Variants in DACT1 observed in about 807,000 individuals in gnomAD.
DACT1 encodes dapper homolog 1.
A neutral mutation model predicts 35.3 loss-of-function variants in DACT1; 19 were observed. That is an observed-to-expected ratio of 0.54 (90% CI 0.38 to 0.79). DACT1 has a LOEUF of 0.79. Among genes scored for constraint, DACT1 ranks in the 30% least tolerant of loss-of-function variants. DACT1 has a pLI of 0.00. For missense variants in DACT1, 1,143 were observed against 1,057.5 expected (o/e 1.08, Z -1.12); for synonymous variants, 545 against 466.7 (o/e 1.17, Z -2.16).
In DACT1 at chr14:58,638,363, GGCTGGCGGA is replaced by G; in HGVS notation, c.167_175del (p.Ala56_Leu58del). ...GAGCGGCAGGAGGCCACGCTGGCCG[GGCTGGCGGA>G]GCTGGAGTACCTGCGCCAGCGCCAA... On this transcript the variant is annotated inframe_deletion, in exon 1 of 4. Transcript: ENST00000395153. 2 of 1,305,156 alleles carry G rather than the reference GGCTGGCGGA, an allele frequency of 1.5e-6. No homozygotes were observed. The highest frequency in any genetic ancestry group is 2.3e-5 in the South Asian group (1 of 43,588). 80.8% of individuals were successfully genotyped at this position (1,305,156 alleles called of 1,614,324 possible).
chr14:58,641,464 G>A, intron 2 of DACT1, 128 bp from the exon 3 acceptor site: 1 of 1,020,276 alleles, frequency 9.8e-7, no homozygotes, highest in Non-Finnish European at 1.4e-6. Flanking sequence ...AAAGTCCAAT[G>A]AATCAAAATT....
chr14:58,644,989 G>A lies in DACT1; in HGVS notation c.635-380G>A, dbSNP rs530503895. On this transcript the variant is annotated intron_variant, in intron 3 of 3. Coordinates refer to ENST00000395153, the MANE Select transcript of DACT1 (RefSeq NM_001079520.2). The stretch of plus-strand genomic sequence containing the variant: ...ATCATGATTTTCACTAAACTTTAAA[G>A]TGTTTTCCCTCTATTATGCAGTAGT... 3.9e-5 allele frequency among the ~76,000 whole-genome samples: 6 copies of A among 152,172 alleles called. No homozygotes were observed. In the South Asian group the frequency reaches 1.2e-3, roughly 32 times the overall value.
At chr14:58,637,462 T>TG, upstream of DACT1, among the ~76,000 whole-genome samples, 1 of 152,368 alleles carries the variant, frequency 6.6e-6, no homozygotes, top group African/African-American at 2.4e-5. Flanking sequence ...TGAATACACT[T>TG]GCAATACCTT....
Position 58,646,017 on chromosome 14 carries a change from G to A in DACT1, c.1283G>A (p.Arg428Gln). 6.2e-7 allele frequency: 1 copy of A among 1,614,098 alleles called. No individual in the cohort carries two copies. The highest frequency in any genetic ancestry group is 8.5e-7 in the Non-Finnish European group (1 of 1,180,036). ...TAKPASQEHA[R>Q]CSAIGTGESP... Reference sequence around the variant, plus strand: ...AAGCCAGCCTCGCAAGAACATGCTCGGTGTTCCGCCATTGGGACAGGGGAG... The same window carrying A: ...AAGCCAGCCTCGCAAGAACATGCTCAGTGTTCCGCCATTGGGACAGGGGAG... The change falls in exon 4 of 4, where the codon CGG becomes CAG. Residue 428 changes from arginine to glutamine, a missense_variant. Around this residue, in one of 3 missense-constraint regions of DACT1, gnomAD observed 1,054 missense variants for 958.8 expected, o/e 1.10. Coordinates refer to ENST00000395153, the MANE Select transcript of DACT1 (RefSeq NM_001079520.2).
upstream of DACT1, among the ~76,000 whole-genome samples, chr14:58,636,463 G>A (rs980295966): frequency 1.3e-5 from 2 of 152,180 alleles, no homozygotes; most frequent in African/African-American, 4.8e-5. Flanking sequence ...ATGGAGAGAA[G>A]AGATACACAT....
In DACT1 at chr14:58,638,393, G is replaced by T; in HGVS notation, c.191G>T (p.Arg64Leu). ...GLAELEYLRQ[R>L]QELLVRGALR... is the part of the protein sequence containing the mutation. ...GCGGAGCTGGAGTACCTGCGCCAGC[G>T]CCAAGAGCTGCTGGTCAGGGGCGCC... Residue 64 changes from arginine (R) to leucine (L), a missense_variant, in exon 1 of 4, where the codon CGC becomes CTC. Transcript: ENST00000395153. 7.7e-7 allele frequency: 1 copy of T among 1,302,342 alleles called. No individual in the cohort carries two copies. Among genetic ancestry groups the T allele is most frequent in the Non-Finnish European group, 9.7e-7 (1 of 1,027,176 alleles). 80.7% of individuals were successfully genotyped at this position (1,302,342 alleles called of 1,614,324 possible).
Position 58,638,294 on chromosome 14 carries a change from G to A in DACT1, c.92G>A (p.Trp31Ter). The A allele has an allele frequency of 7.4e-7, 1 of 1,346,988 alleles. No homozygotes were observed. The highest frequency in any genetic ancestry group is 9.5e-7 in the Non-Finnish European group (1 of 1,053,264). 83.4% of individuals were successfully genotyped at this position (1,346,988 alleles called of 1,614,324 possible). A position where few individuals can be genotyped will look rare whatever the true frequency, so the allele number is the denominator to read the frequency against. ...CGCACGGCGGAGCCCGAGGGGCGCT[G>A]GCGGGAGAAGGGCGAGGCAGACACC... ...EQRTAEPEGRWREKGEADTER... is the reference protein window; with the variant it reads ...EQRTAEPEGR Residue 31 changes from tryptophan to a stop codon, truncating the protein, a stop_gained, in exon 1 of 4, where the codon TGG (tryptophan) becomes TAG (stop). Coordinates refer to ENST00000395153, the MANE Select transcript of DACT1 (RefSeq NM_001079520.2). LOFTEE classifies it high-confidence loss of function.
chr14:58,639,275 CT>C (rs754433196), intron 1 of DACT1: 45 of 985,002 alleles, frequency 4.6e-5, no homozygotes, highest in Non-Finnish European at 5.1e-5. Flanking sequence ...AAGCATTTAT[CT>C]TACTGGGTTT....
intron 3 of DACT1, among the ~76,000 whole-genome samples, chr14:58,645,027 T>A (rs781008223): frequency 2.0e-5 from 3 of 152,252 alleles, no homozygotes; most frequent in Non-Finnish European, 4.4e-5. Context: ...GAAAACACTC[T>A]TAATGGCTGA....
chr14:58,640,979 G>T, intron 2 of DACT1, 111 bp downstream of exon 2: 1 of 1,207,950 alleles, frequency 8.3e-7, no homozygotes, highest in African/African-American at 1.5e-5. Context: ...TTCCAGTGCA[G>T]AGAGGATAAA....
chr14:58,638,947 A>C (rs952426838), intron 1 of DACT1: 12 of 991,058 alleles, frequency 1.2e-5, no homozygotes, highest in Non-Finnish European at 1.3e-5. Context: ...GGTTTTCTTG[A>C]CTTTATCTCC....
upstream of DACT1, among the ~76,000 whole-genome samples, chr14:58,637,599 G>A (rs1290767442): frequency 6.6e-6 from 1 of 152,228 alleles, no homozygotes; most frequent in Non-Finnish European, 1.5e-5. Flanking sequence ...CCCAACTGCC[G>A]CGTCCCGTCG....
upstream of DACT1, among the ~76,000 whole-genome samples, chr14:58,634,976 C>A (rs1336434730): frequency 6.6e-6 from 1 of 152,232 alleles, no homozygotes; most frequent in Non-Finnish European, 1.5e-5. Flanking sequence ...CTCTCCAGAT[C>A]ATCCAGGCAG....
In DACT1 at chr14:58,638,183, T is replaced by C; in HGVS notation, c.-20T>C. ...GGCGGCCCGGCTGCGGTGACGGCTC[T>C]CGCTGCCCGACTGGGGGCCATGAAG... On this transcript the variant is annotated 5_prime_UTR_variant, in exon 1 of 4. Transcript: ENST00000395153. 5.4e-6 allele frequency: 7 copies of C among 1,289,782 alleles called. No individual in the cohort carries two copies. Among genetic ancestry groups the C allele is most frequent in the Non-Finnish European group, 6.9e-6 (7 of 1,020,378 alleles). 79.9% of individuals were successfully genotyped at this position (1,289,782 alleles called of 1,614,324 possible).
chr14:58,646,480 T>A lies in DACT1; in HGVS notation c.1746T>A (p.Asp582Glu), dbSNP rs1184819197. Residue 582 changes from aspartate (D) to glutamate (E), a missense_variant, in exon 4 of 4, where the codon GAT becomes GAA. Physicochemically the swap from Asp to Glu is conservative, Grantham distance 45 (BLOSUM62 2). This residue lies in a region of DACT1 where 1,054 missense variants were observed against 958.8 expected (regional missense o/e 1.10). Transcript: ENST00000395153. Reference sequence around the variant, plus strand: ...AGTGTCGCTTCCCAGATGACTTGGATACAAATAAGAAACTCAAGAAAGCCT... The same window carrying A: ...AGTGTCGCTTCCCAGATGACTTGGAAACAAATAAGAAACTCAAGAAAGCCT... ...SKKCRFPDDLDTNKKLKKASS... is the reference protein window; with the variant it reads ...SKKCRFPDDLETNKKLKKASS... The A allele has an allele frequency of 6.4e-7, 1 of 1,567,820 alleles. No individual in the cohort carries two copies. The highest frequency in any genetic ancestry group is 2.1e-5 in the Admixed American group (1 of 48,708).
upstream of DACT1, among the ~76,000 whole-genome samples, chr14:58,634,918 G>A (rs960153991): frequency 1.2e-4 from 19 of 152,188 alleles, no homozygotes; most frequent in Non-Finnish European, 2.4e-4. Context: ...TAACACCACT[G>A]TAATATATTC....
upstream of DACT1, among the ~76,000 whole-genome samples, chr14:58,635,215 AG>A (rs1849638271): frequency 6.6e-6 from 1 of 152,232 alleles, no homozygotes; most frequent in African/African-American, 2.4e-5. Context: ...TGGCAACAGA[AG>A]GGAGCAGTAG....
Position 58,638,316 on chromosome 14 carries a change from C to T in DACT1, c.114C>T (p.Asp38=). 4 of 1,328,736 alleles carry T rather than the reference C, an allele frequency of 3.0e-6. No homozygotes were observed. Among genetic ancestry groups the T allele is most frequent in the Non-Finnish European group, 3.8e-6 (4 of 1,044,992 alleles). 82.3% of individuals were successfully genotyped at this position (1,328,736 alleles called of 1,614,324 possible). ...GCTGGCGGGAGAAGGGCGAGGCAGA[C>T]ACCGAGCGGCAGCGCACCCGGGAGC... ...EGRWREKGEA[D]TERQRTRERQ... is the part of the protein sequence containing the mutation. The change falls in exon 1 of 4, where the codon GAC becomes GAT. Residue 38 remains aspartate (D), a synonymous_variant. Coordinates refer to ENST00000395153, the MANE Select transcript of DACT1 (RefSeq NM_001079520.2).
At chr14:58,645,011 T>C (rs539184202) in intron 3 of DACT1, among the ~76,000 whole-genome samples, 1 of 152,352 alleles carries the variant, frequency 6.6e-6, no homozygotes, top group African/African-American at 2.4e-5. Flanking sequence ...TATTATGCAG[T>C]AGTTTGAAAA....
Sources: gnomAD v4.1 joint callset for allele counts (sites outside exome capture counted in the v4.1 genomes callset) on GRCh38, gnomAD v4.1.1 for gene constraint, gnomAD v4.1.1 regional missense constraint, MANE v1.5 for transcripts, NCBI Gene and HGNC (gene_info 2026-07-23, HGNC 2026-07-21) for gene names.